TAF4B: variants seen among roughly 807,000 people sequenced by gnomAD.
The protein encoded by TAF4B is TATA-box binding protein associated factor 4b.
A neutral mutation model predicts 86.4 loss-of-function variants in TAF4B; 38 were observed. The observed-to-expected ratio is 0.44, with a 90% confidence interval of 0.34 to 0.58. The LOEUF (loss-of-function observed/expected upper bound fraction) is 0.58, where lower values mean the gene tolerates loss of function less well. TAF4B is among the 20% of genes least tolerant of loss of function. The pLI is 0.02. For missense variants in TAF4B, 988 were observed against 1,027.6 expected (o/e 0.96, Z 0.53); for synonymous variants, 388 against 391.2 (o/e 0.99, Z 0.10).
At chr18:26,366,185 A>G (rs138698094) in intron 14 of TAF4B, 3 of 152,312 alleles carry the variant, frequency 2.0e-5, no homozygotes, top group African/African-American at 7.2e-5. Context: ...TTGGATTGTA[A>G]TATTTAGATT....
intron 11 of TAF4B, among the ~76,000 whole-genome samples, chr18:26,323,734 T>C (rs2056981827): frequency 2.0e-5 from 3 of 152,198 alleles, no homozygotes; most frequent in African/African-American, 7.2e-5. Context: ...ACTTAAAGTC[T>C]ATACTGTCTG....
intron 9 of TAF4B, among the ~76,000 whole-genome samples, chr18:26,299,565 C>G (rs555158146): frequency 1.3e-5 from 2 of 152,080 alleles, no homozygotes; most frequent in Admixed American, 6.5e-5. Context: ...TCTTCCCCCC[C>G]TCCTTTGTTT....
intron 9 of TAF4B, among the ~76,000 whole-genome samples, chr18:26,305,579 G>A (rs1016316359): frequency 6.6e-6 from 1 of 152,042 alleles, no homozygotes; most frequent in Non-Finnish European, 1.5e-5. Context: ...GCTTATTTTT[G>A]TATTTTTAGT....
intron 13 of TAF4B, among the ~76,000 whole-genome samples, chr18:26,354,709 G>A (rs1053637257): frequency 8.5e-5 from 13 of 152,126 alleles, no homozygotes; most frequent in African/African-American, 2.4e-4. Context: ...TCAATTGGCC[G>A]TATTTATATG....
intron 1 of TAF4B, among the ~76,000 whole-genome samples, chr18:26,237,670 AAAAG>A (rs2055769787): frequency 6.6e-6 from 1 of 152,138 alleles, no homozygotes; most frequent in South Asian, 2.1e-4. Flanking sequence ...TCCTTCAATG[AAAAG>A]AAAGCTTGGA....
chr18:26,376,424 T>A (rs1337089510), intron 14 of TAF4B, among the ~76,000 whole-genome samples: 2 of 152,064 alleles, frequency 1.3e-5, no homozygotes, highest in Non-Finnish European at 2.9e-5. Flanking sequence ...TATTTTACTA[T>A]TTTTGATGCT....
intron 11 of TAF4B, among the ~76,000 whole-genome samples, chr18:26,323,792 CCTTTCA>C (rs1472062145): frequency 6.6e-6 from 1 of 152,050 alleles, no homozygotes; most frequent in Non-Finnish European, 1.5e-5. Flanking sequence ...CTTTTTCCAT[CCTTTCA>C]CTTTCAGCGT....
At chr18:26,241,250 C>G (rs987074131) in intron 1 of TAF4B, among the ~76,000 whole-genome samples, 3 of 152,144 alleles carry the variant, frequency 2.0e-5, no homozygotes, top group Non-Finnish European at 4.4e-5. Flanking sequence ...TAATTATTGC[C>G]TCAATTTCAG....
At chr18:26,373,547 T>C (rs2057420812) in intron 14 of TAF4B, among the ~76,000 whole-genome samples, 1 of 152,232 alleles carries the variant, frequency 6.6e-6, no homozygotes, top group Non-Finnish European at 1.5e-5. Context: ...AAAAAATGTT[T>C]TGCCAATTGC....
intron 5 of TAF4B, among the ~76,000 whole-genome samples, chr18:26,276,192 C>T (rs970997181): frequency 6.6e-6 from 1 of 152,056 alleles, no homozygotes; most frequent in African/African-American, 2.4e-5. Flanking sequence ...AGATTCTCAT[C>T]TTGCAGATGA....
At chr18:26,381,543 A>G (rs1362353076) in intron 14 of TAF4B, among the ~76,000 whole-genome samples, 1 of 151,764 alleles carries the variant, frequency 6.6e-6, no homozygotes, top group African/African-American at 2.4e-5. Flanking sequence ...CCTGACCAAC[A>G]TGGAGAAACC....
intron 14 of TAF4B, among the ~76,000 whole-genome samples, chr18:26,367,702 T>C (rs1408089322): frequency 2.6e-5 from 4 of 152,322 alleles, no homozygotes; most frequent in Admixed American, 2.6e-4. Flanking sequence ...ATAGACATTT[T>C]CCCATACTGT....
intron 1 of TAF4B, among the ~76,000 whole-genome samples, chr18:26,239,433 G>A (rs1678383259): frequency 6.6e-6 from 1 of 151,428 alleles, no homozygotes. Flanking sequence ...TTTTTGATGG[G>A]GTTTGTTTTT....
chr18:26,240,571 T>A (rs1412727098), intron 1 of TAF4B, among the ~76,000 whole-genome samples: 3 of 152,206 alleles, frequency 2.0e-5, no homozygotes, highest in Non-Finnish European at 4.4e-5. Flanking sequence ...TTGAATACCC[T>A]TTCTTTCTTT....
intron 10 of TAF4B, among the ~76,000 whole-genome samples, chr18:26,317,115 C>T (rs972607179): frequency 4.0e-5 from 6 of 151,162 alleles, no homozygotes; most frequent in South Asian, 2.1e-4. Flanking sequence ...CTATAACCTC[C>T]GCCTCCCGGG....
chr18:26,316,250 T>A (rs897776167), intron 10 of TAF4B, among the ~76,000 whole-genome samples: 10 of 152,168 alleles, frequency 6.6e-5, no homozygotes, highest in African/African-American at 1.7e-4. Flanking sequence ...AGGTTTCGAT[T>A]TTTATAGACC....
intron 6 of TAF4B, among the ~76,000 whole-genome samples, chr18:26,283,218 AG>A (rs2056471143): frequency 6.6e-6 from 1 of 152,188 alleles, no homozygotes; most frequent in African/African-American, 2.4e-5. Context: ...GATTCATCAG[AG>A]GAATCACTGT....
At chr18:26,267,415 T>C in intron 2 of TAF4B, 101 bp from the exon 3 acceptor site, 1 of 769,128 alleles carries the variant, frequency 1.3e-6, no homozygotes, top group South Asian at 1.6e-5. Flanking sequence ...TCATAACAAA[T>C]ACATTTGCTG....
Position 26,335,214 on chromosome 18 carries a change from A to G in TAF4B, c.2299A>G (p.Lys767Glu). 1 of 1,613,794 alleles carries G rather than the reference A, an allele frequency of 6.2e-7. No homozygotes were observed. ...NKEDPEQLRL[K>E]QKAKELQQLE... is the part of the protein sequence containing the mutation. Reference sequence around the variant, plus strand: ...AGAAGATCCAGAACAGCTGAGATTAAAGCAGAAAGCCAAAGAGGTAGGACT... The same window carrying G: ...AGAAGATCCAGAACAGCTGAGATTAGAGCAGAAAGCCAAAGAGGTAGGACT... Residue 767 changes from lysine (K) to glutamate (E), a missense_variant, in exon 13 of 15, where the codon AAG becomes GAG. Around this residue, in one of 3 missense-constraint regions of TAF4B, gnomAD observed 216 missense variants for 238.4 expected, o/e 0.91. Coordinates refer to ENST00000269142, the MANE Select transcript of TAF4B (RefSeq NM_005640.3).
Sources: allele counts gnomAD v4.1 joint callset (sites outside exome capture counted in the v4.1 genomes callset), GRCh38; gene constraint gnomAD v4.1.1; regional missense constraint gnomAD v4.1.1; transcripts MANE v1.5; gene names NCBI Gene and HGNC (gene_info 2026-07-23, HGNC 2026-07-21).